The following GLI3 variants were observed in gnomAD, a reference collection of about 807,000 sequenced individuals.
GLI3 encodes the protein GLI family zinc finger 3.
A neutral mutation model predicts 100.8 loss-of-function variants in GLI3; 20 were observed. The observed-to-expected ratio is 0.20, with a 90% confidence interval of 0.14 to 0.29. The LOEUF (loss-of-function observed/expected upper bound fraction) is 0.29. GLI3 is among the 10% of genes least tolerant of loss of function. The pLI is 1.00. For missense variants in GLI3, 2,040 were observed against 2,128.5 expected (o/e 0.96, Z 0.82); for synonymous variants, 938 against 860.5 (o/e 1.09, Z -1.58).
At chr7:42,217,378 C>T (rs1210155177) in intron 2 of GLI3, among the ~76,000 whole-genome samples, 2 of 152,036 alleles carry the variant, frequency 1.3e-5, no homozygotes, top group East Asian at 1.9e-4. Flanking sequence ...TCAAGAGAGT[C>T]GGGGCTCTTA....
At chr7:42,241,566 A>G (rs1282317515), upstream of GLI3, among the ~76,000 whole-genome samples, 1 of 152,226 alleles carries the variant, frequency 6.6e-6, no homozygotes, top group African/African-American at 2.4e-5. Flanking sequence ...GCCAGCTGCC[A>G]GGAAGGAGAA....
chr7:42,223,020 C>A (rs1202204703), intron 2 of GLI3, 110 bp downstream of exon 2: 2 of 1,327,618 alleles, frequency 1.5e-6, no homozygotes, highest in Non-Finnish European at 1.1e-6. Flanking sequence ...CTTTCTTTAG[C>A]GTCTCCTAGA....
Position 41,964,327 on chromosome 7 carries a change from A to G in GLI3, c.*3T>C. The G allele has an allele frequency of 6.2e-7, 1 of 1,613,618 alleles. No homozygotes were observed. The highest frequency in any genetic ancestry group is 8.5e-7 in the Non-Finnish European group (1 of 1,179,562). On this transcript the variant is annotated 3_prime_UTR_variant, in exon 15 of 15. Coordinates refer to ENST00000395925, the MANE Select transcript of GLI3 (RefSeq NM_000168.6). ...GTTGGTTGCAGTCTTTTTTTCCTAA[A>G]GCCTATTGCATAACTGCAAGGAATT...
At chr7:42,164,536 A>G (rs2128672725) in intron 2 of GLI3, among the ~76,000 whole-genome samples, 1 of 151,056 alleles carries the variant, frequency 6.6e-6, no homozygotes, top group South Asian at 2.1e-4. Flanking sequence ...ATAAAAATAA[A>G]AATAAAAATA....
At chr7:42,022,750 G>A (rs954817093) in intron 10 of GLI3, among the ~76,000 whole-genome samples, 2 of 152,150 alleles carry the variant, frequency 1.3e-5, no homozygotes, top group African/African-American at 4.8e-5. Flanking sequence ...CACTGGGAAG[G>A]GGGTATCACA....
intron 3 of GLI3, among the ~76,000 whole-genome samples, chr7:42,125,827 T>TG (rs1016823048): frequency 2.6e-5 from 4 of 152,168 alleles, no homozygotes; most frequent in African/African-American, 9.7e-5. Flanking sequence ...TCGATGGAGC[T>TG]GGGCGCCAAG....
At chr7:42,108,001 C>T (rs901908585) in intron 3 of GLI3, among the ~76,000 whole-genome samples, 18 of 152,118 alleles carry the variant, frequency 1.2e-4, no homozygotes, top group Admixed American at 4.6e-4. Context: ...TTCATAAATC[C>T]TCAACTGCTT....
intron 3 of GLI3, among the ~76,000 whole-genome samples, chr7:42,101,776 G>A (rs569033132): frequency 6.7e-6 from 1 of 149,318 alleles, no homozygotes; most frequent in East Asian, 1.9e-4. Flanking sequence ...ATGCTGGTGT[G>A]CTGCACCCAC....
intron 2 of GLI3, among the ~76,000 whole-genome samples, chr7:42,167,223 G>A (rs1282021845): frequency 1.3e-5 from 2 of 152,056 alleles, no homozygotes; most frequent in Non-Finnish European, 2.9e-5. Context: ...GTTCTTTAGT[G>A]GAAGACAAAA....
intron 2 of GLI3, among the ~76,000 whole-genome samples, chr7:42,202,338 TCTCTCTCTCACACA>T (rs1488510791): frequency 5.7e-5 from 2 of 35,158 alleles, no homozygotes; most frequent in Non-Finnish European, 7.7e-5. Context: ...TCTCTCTCTC[TCTCTCTCTCACACA>T]CACACACACA....
At chr7:42,044,644 G>C (rs1784209303) in intron 6 of GLI3, among the ~76,000 whole-genome samples, 1 of 152,030 alleles carries the variant, frequency 6.6e-6, no homozygotes, top group African/African-American at 2.4e-5. Context: ...TAACTATTCT[G>C]ATCCTTTCAT....
At chr7:42,186,227 C>T (rs1787713728) in intron 2 of GLI3, among the ~76,000 whole-genome samples, 1 of 152,178 alleles carries the variant, frequency 6.6e-6, no homozygotes. Flanking sequence ...CTTCCAGCTC[C>T]CCAGAGCACT....
chr7:42,189,971 AACAC>A (rs57107204), intron 2 of GLI3, among the ~76,000 whole-genome samples: 6,404 of 143,246 alleles, frequency 0.045, 161 homozygotes, highest in African/African-American at 0.051. Flanking sequence ...GCATGGGCTC[AACAC>A]ACACACACAC....
chr7:42,109,317 T>G lies in GLI3; in HGVS notation c.368-32460A>C, dbSNP rs150031321. 2.8e-4 allele frequency among the ~76,000 whole-genome samples: 43 copies of G among 152,338 alleles called. No homozygotes were observed. The East Asian group carries it at 6.7e-3, about 24-fold the overall frequency. On this transcript the variant is annotated intron_variant, in intron 3 of 14. Coordinates refer to ENST00000395925, the MANE Select transcript of GLI3 (RefSeq NM_000168.6). ...AGAGCTGGATAAAGAAAGACATTGC[T>G]TTCACTGACAGGCAACCCCATGTTT...
intron 10 of GLI3, among the ~76,000 whole-genome samples, chr7:42,002,554 T>C (rs958794464): frequency 3.9e-5 from 6 of 152,212 alleles, no homozygotes; most frequent in Non-Finnish European, 7.3e-5. Context: ...TTAGGAATCC[T>C]GAAAGAACAG....
At chr7:42,182,677 TATATACAC>T (rs1562775886) in intron 2 of GLI3, among the ~76,000 whole-genome samples, 7 of 65,376 alleles carry the variant, frequency 1.1e-4, no homozygotes, top group East Asian at 6.2e-4. Context: ...TATATATATA[TATATACAC>T]ATGTGTGTAT....
At chr7:42,030,702 T>G (rs1235449512) in intron 7 of GLI3, among the ~76,000 whole-genome samples, 4 of 151,842 alleles carry the variant, frequency 2.6e-5, no homozygotes, top group East Asian at 1.9e-4. Flanking sequence ...ATTTGTTTTT[T>G]TTTTTTTTGT....
rs1178755229 is a variant in GLI3 at position 42,262,216 on chromosome 7, C to CCTTA, written c.-43+1777_-43+1778insTAAG. On this transcript the variant is annotated intron_variant, in intron 1 of 2. Coordinates refer to the GLI3 transcript ENST00000678978. ...ATTTTTTTTCCTTCCTTCTTTCCTTCCTTCCTTCTTTCCTTCCTTCCTTCC... is the reference window on the plus strand; with the variant it reads ...ATTTTTTTTCCTTCCTTCTTTCCTTCCTTACTTCCTTCTTTCCTTCCTTCCTTCC... Among the ~76,000 whole-genome samples the CCTTA allele has an allele frequency of 1.4e-3, 186 of 135,782 alleles. 5 individuals carry two copies. The highest frequency in any genetic ancestry group is 5.7e-3 in the African/African-American group (184 of 32,210). 89.1% of individuals were successfully genotyped at this position (135,782 alleles called of 152,430 possible). A position where few individuals can be genotyped will look rare whatever the true frequency, so the allele number is the denominator to read the frequency against.
At chr7:42,247,197 A>G (rs367742229) in intron 1 of GLI3, among the ~76,000 whole-genome samples, 1 of 152,326 alleles carries the variant, frequency 6.6e-6, no homozygotes, top group African/African-American at 2.4e-5. Context: ...GATTACAAGT[A>G]CATTTTAACT....
Sources: gnomAD v4.1 joint callset for allele counts (sites outside exome capture counted in the v4.1 genomes callset) on GRCh38, gnomAD v4.1.1 for gene constraint, MANE v1.5 for transcripts, NCBI Gene and HGNC (gene_info 2026-07-23, HGNC 2026-07-21) for gene names.